Variants in ZNF804B observed in about 807,000 individuals in gnomAD.
ZNF804B encodes the protein zinc finger protein 804B, also known as zinc finger 804B.
ZNF804B carries 80 observed loss-of-function variants against 101.4 expected under a neutral mutation model. That is an observed-to-expected ratio of 0.79 (90% confidence interval 0.66 to 0.95). The LOEUF (loss-of-function observed/expected upper bound fraction) is 0.95, where lower values mean the gene tolerates loss of function less well. Among genes scored for constraint, ZNF804B ranks in the 40% least tolerant of loss-of-function variants. The pLI is 0.00. For missense variants in ZNF804B, 1,673 were observed against 1,561.9 expected (o/e 1.07, Z -1.20); for synonymous variants, 622 against 558.8 (o/e 1.11, Z -1.59).
chr7:89,227,373 C>A (rs1789105077), intron 2 of ZNF804B, among the ~76,000 whole-genome samples: 1 of 152,160 alleles, frequency 6.6e-6, no homozygotes, highest in Admixed American at 6.5e-5. Flanking sequence ...CTTCCTACAA[C>A]AAAAATTGGT....
chr7:89,135,042 G>T (rs1205230527), intron 1 of ZNF804B, among the ~76,000 whole-genome samples: 1 of 151,932 alleles, frequency 6.6e-6, no homozygotes, highest in Non-Finnish European at 1.5e-5. Flanking sequence ...TTCTACATAG[G>T]CACTAGTTTT....
At chr7:89,049,133 A>G (rs1021041799) in intron 1 of ZNF804B, among the ~76,000 whole-genome samples, 3 of 150,294 alleles carry the variant, frequency 2.0e-5, no homozygotes, top group African/African-American at 7.6e-5. Flanking sequence ...TGAACACTTA[A>G]TAATTATGTA....
chr7:88,940,768 A>AAAATAAT (rs1793043051), intron 1 of ZNF804B, among the ~76,000 whole-genome samples: 1 of 139,488 alleles, frequency 7.2e-6, no homozygotes, highest in African/African-American at 2.6e-5. Flanking sequence ...ACCCTATTTA[A>AAAATAAT]AATAATAATA....
At chr7:88,836,342 T>G (rs1791214469) in intron 1 of ZNF804B, among the ~76,000 whole-genome samples, 1 of 151,850 alleles carries the variant, frequency 6.6e-6, no homozygotes, top group African/African-American at 2.4e-5. Context: ...GAGGTAGCAT[T>G]GATCATTTCA....
chr7:88,886,073 A>T (rs917970303), intron 1 of ZNF804B, among the ~76,000 whole-genome samples: 1 of 152,110 alleles, frequency 6.6e-6, no homozygotes, highest in Non-Finnish European at 1.5e-5. Context: ...ACATTTCACC[A>T]TAAGATATGA....
At chr7:88,884,541 C>G (rs942183620) in intron 1 of ZNF804B, among the ~76,000 whole-genome samples, 4 of 151,710 alleles carry the variant, frequency 2.6e-5, no homozygotes, top group Non-Finnish European at 5.9e-5. Context: ...CCTTGATTCT[C>G]CTCCAGTGGT....
chr7:89,009,854 G>A (rs368533883), intron 1 of ZNF804B, among the ~76,000 whole-genome samples: 1 of 152,176 alleles, frequency 6.6e-6, no homozygotes, highest in South Asian at 2.1e-4. Flanking sequence ...ATTCTATGGT[G>A]TTTTGTTATA....
chr7:88,992,799 C>A (rs11977911), intron 1 of ZNF804B, among the ~76,000 whole-genome samples: 10 of 151,856 alleles, frequency 6.6e-5, no homozygotes, highest in African/African-American at 2.2e-4. Context: ...AGAATTCTGC[C>A]TAAAATAATT....
chr7:89,062,505 T>C (rs936792347), intron 1 of ZNF804B, among the ~76,000 whole-genome samples: 1 of 152,172 alleles, frequency 6.6e-6, no homozygotes, highest in Non-Finnish European at 1.5e-5. Context: ...GTTATTTTTA[T>C]TTATATATTG....
intron 2 of ZNF804B, among the ~76,000 whole-genome samples, chr7:89,297,656 A>G (rs1281890742): frequency 6.6e-6 from 1 of 152,008 alleles, no homozygotes; most frequent in Non-Finnish European, 1.5e-5. Context: ...GAAATAGTAC[A>G]AAGAACTCTC....
intron 1 of ZNF804B, among the ~76,000 whole-genome samples, chr7:88,780,581 T>C (rs1033759900): frequency 2.0e-5 from 3 of 151,852 alleles, no homozygotes; most frequent in African/African-American, 7.2e-5. Flanking sequence ...GAGAAAGGGT[T>C]CCACCATATT....
At chr7:89,293,706 G>A (rs960754091) in intron 2 of ZNF804B, among the ~76,000 whole-genome samples, 8 of 151,886 alleles carry the variant, frequency 5.3e-5, no homozygotes, top group East Asian at 1.9e-4. Context: ...GGAGAATGGC[G>A]TGAACCCAGG....
intron 1 of ZNF804B, among the ~76,000 whole-genome samples, chr7:88,940,781 A>G (rs903302981): frequency 6.9e-6 from 1 of 144,700 alleles, no homozygotes; most frequent in Non-Finnish European, 1.5e-5. Context: ...TAATAATAAT[A>G]ATAATAATAA....
chr7:89,334,446 A>G lies in ZNF804B; in HGVS notation c.1464A>G (p.Thr488=). ...TTGATTTTAAGCTTTCTCGGAACAC[A>G]AAGGAAGACCACAATCTAGAGGACT... The part of the protein sequence containing the change: ...LYFDFKLSRN[T]KEDHNLEDLK... The change falls in exon 4 of 4, where the codon ACA becomes ACG. Residue 488 remains threonine (T), a synonymous_variant. Coordinates refer to ENST00000333190, the MANE Select transcript of ZNF804B (RefSeq NM_181646.5). 6.2e-7 allele frequency: 1 copy of G among 1,613,714 alleles called. No individual in the cohort carries two copies. The highest frequency in any genetic ancestry group is 8.5e-7 in the Non-Finnish European group (1 of 1,179,794).
intron 1 of ZNF804B, among the ~76,000 whole-genome samples, chr7:88,855,418 G>T (rs1791539091): frequency 6.6e-6 from 1 of 151,756 alleles, no homozygotes; most frequent in Non-Finnish European, 1.5e-5. Context: ...AGAAGTGTCT[G>T]TTCATATCCT....
chr7:88,845,321 A>ACAC (rs61078006), intron 1 of ZNF804B, among the ~76,000 whole-genome samples: 1 of 151,048 alleles, frequency 6.6e-6, no homozygotes, highest in Non-Finnish European at 1.5e-5. Context: ...ACACACACAC[A>ACAC]ATAACAACAC....
chr7:88,970,921 A>T (rs1388282306), intron 1 of ZNF804B, among the ~76,000 whole-genome samples: 1 of 151,392 alleles, frequency 6.6e-6, no homozygotes, highest in East Asian at 2.0e-4. Context: ...ATACATATGT[A>T]ACAAACCTGC....
chr7:89,177,269 C>T (rs754805005), intron 1 of ZNF804B, among the ~76,000 whole-genome samples: 19 of 152,012 alleles, frequency 1.2e-4, no homozygotes, highest in Non-Finnish European at 2.8e-4. Flanking sequence ...ATAAACTTTC[C>T]TCTTAGTACT....
chr7:88,910,838 A>G (rs1409326874), intron 1 of ZNF804B, among the ~76,000 whole-genome samples: 1 of 151,974 alleles, frequency 6.6e-6, no homozygotes, highest in Non-Finnish European at 1.5e-5. Flanking sequence ...TAATGTTATC[A>G]GTAGTTGTAA....
Sources: gnomAD v4.1 joint callset for allele counts (sites outside exome capture counted in the v4.1 genomes callset) on GRCh38, gnomAD v4.1.1 for gene constraint, MANE v1.5 for transcripts, NCBI Gene and HGNC (gene_info 2026-07-23, HGNC 2026-07-21) for gene names.